DEAF1: variants seen among roughly 807,000 people sequenced by gnomAD.
DEAF1 encodes the protein DEAF1 transcription factor.
A neutral mutation model predicts 58.9 loss-of-function variants in DEAF1; 53 were observed. The ratio of observed to expected loss-of-function variants is 0.90; its 90% CI spans 0.72 to 1.13. The LOEUF is 1.13. DEAF1 is among the 50% of genes most tolerant of loss of function. The probability of loss-of-function intolerance (pLI) is 0.00; values close to 1 mark genes in which losing one functional copy is unlikely to be tolerated. For synonymous variants in DEAF1, 385 were observed against 340.4 expected (o/e 1.13, Z -1.44); for missense variants, 685 against 791.4 (o/e 0.87, Z 1.61).
At chr11:661,467 T>A (rs1214685209) in intron 10 of DEAF1, among the ~76,000 whole-genome samples, 1 of 152,044 alleles carries the variant, frequency 6.6e-6, no homozygotes, top group Non-Finnish European at 1.5e-5. Context: ...CCCAGCACTT[T>A]GGAAGGCCGA....
intron 8 of DEAF1, among the ~76,000 whole-genome samples, chr11:679,189 G>GC (rs1338347803): frequency 1.3e-5 from 2 of 151,770 alleles, no homozygotes; most frequent in Non-Finnish European, 2.9e-5. Flanking sequence ...GGTGGCAGGC[G>GC]CTGTAGTCCC....
At chr11:703,390 C>T in intron 1 of DEAF1, 1 of 1,367,148 alleles carries the variant, frequency 7.3e-7, no homozygotes, top group Non-Finnish European at 9.4e-7. Context: ...ACAGAACTGC[C>T]TTCAAGATGA....
chr11:691,370 C>T, intron 2 of DEAF1, 131 bp downstream of exon 2: 1 of 819,360 alleles, frequency 1.2e-6, no homozygotes, highest in South Asian at 1.5e-5. Flanking sequence ...CAGAGCGAGC[C>T]AGTGCGTCCC....
intron 10 of DEAF1, among the ~76,000 whole-genome samples, chr11:659,034 A>G (rs1859195672): frequency 6.6e-6 from 1 of 152,244 alleles, no homozygotes; most frequent in Admixed American, 6.5e-5. Flanking sequence ...ATTTCTAACT[A>G]TCAAAGAATA....
At chr11:666,863 ACT>A (rs113029786) in intron 10 of DEAF1, among the ~76,000 whole-genome samples, 1 of 129,284 alleles carries the variant, frequency 7.7e-6, no homozygotes, top group African/African-American at 3.1e-5. Context: ...GGAGAGCAAG[ACT>A]CTGTCTCCAA....
chr11:705,246 G>T (rs541897261), intron 1 of DEAF1: 1 of 162,348 alleles, frequency 6.2e-6, no homozygotes, highest in Non-Finnish European at 1.4e-5. Flanking sequence ...ACCGGCAGCC[G>T]GAGCCTTGGG....
upstream of DEAF1, among the ~76,000 whole-genome samples, chr11:698,307 G>T (rs981529746): frequency 6.6e-6 from 1 of 152,190 alleles, no homozygotes; most frequent in Non-Finnish European, 1.5e-5. Context: ...TCTCTCAGGT[G>T]GGGGTGGGAG....
chr11:690,779 C>G (rs1339815436), intron 2 of DEAF1, among the ~76,000 whole-genome samples: 1 of 152,094 alleles, frequency 6.6e-6, no homozygotes, highest in Non-Finnish European at 1.5e-5. Context: ...ACTCTGCTTT[C>G]AGGTATATGG....
At position 644,606 on chromosome 11, in the gene DEAF1, C is replaced by T. The variant is rs1472386316; in HGVS notation, c.1642G>A (p.Val548Ile). Residue 548 changes from valine (V) to isoleucine (I), a missense_variant, in exon 12 of 12, where the codon GTC becomes ATC. Transcript: ENST00000382409. This position sits in a 1 kb window ranked among gnomAD's most constrained non-coding sequence, Gnocchi z 4.3. Reference protein sequence around the residue: ...HICGQSAAVTVQADEVHVAES... With the variant: ...HICGQSAAVTIQADEVHVAES... ...GCCACGTGGACTTCGTCTGCCTGGA[C>T]GGTGACAGCTGCTGACTGGCCGCAT... The T allele has an allele frequency of 9.9e-6, 16 of 1,612,954 alleles. No homozygotes were observed. Among genetic ancestry groups the T allele is most frequent in the African/African-American group, 6.7e-5 (5 of 74,904 alleles).
intron 6 of DEAF1, among the ~76,000 whole-genome samples, chr11:684,174 T>C (rs557983370): frequency 6.4e-4 from 97 of 151,896 alleles, no homozygotes; most frequent in African/African-American, 2.2e-3. Context: ...TCTCAACACT[T>C]TGGGAGGCTG....
chr11:682,922 G>A (rs996174784), intron 6 of DEAF1, among the ~76,000 whole-genome samples: 1 of 152,100 alleles, frequency 6.6e-6, no homozygotes, highest in Non-Finnish European at 1.5e-5. Context: ...GAACTGCAAG[G>A]AGTGGGAACC....
At position 688,163 on chromosome 11, in the gene DEAF1, G is replaced by A. The variant is rs568099567; in HGVS notation, c.518-106C>T. On this transcript the variant is annotated intron_variant, in intron 3 of 11. Transcript: ENST00000382409. This position sits in a 1 kb window ranked among gnomAD's most constrained non-coding sequence, Gnocchi z 4.3. ...CGGCAGCGCCACCTCCTTCAACGGC[G>A]GAAAAACTTCTTGGTCAGGAAAATT... is the stretch of plus-strand genomic sequence containing the variant. 8.6e-5 allele frequency: 133 copies of A among 1,555,272 alleles called. No individual in the cohort carries two copies. Among genetic ancestry groups the A allele is most frequent in the Middle Eastern group, 1.9e-4 (1 of 5,374 alleles).
chr11:671,704 T>A (rs1401002722), intron 10 of DEAF1, among the ~76,000 whole-genome samples: 1 of 149,478 alleles, frequency 6.7e-6, no homozygotes. Context: ...AGACCCAGTC[T>A]CTACAAAAAA....
At chr11:667,387 G>GA (rs1564934467) in intron 10 of DEAF1, among the ~76,000 whole-genome samples, 2 of 142,120 alleles carry the variant, frequency 1.4e-5, no homozygotes, top group African/African-American at 2.7e-5. Context: ...AAGGAAGGAA[G>GA]GAGAGAGGGA....
chr11:646,798 G>A (rs755074134), intron 11 of DEAF1, among the ~76,000 whole-genome samples: 2 of 152,036 alleles, frequency 1.3e-5, no homozygotes, highest in African/African-American at 2.4e-5. Context: ...AGAAGTTAGC[G>A]TTTCAGTTTT....
intron 6 of DEAF1, 42 bp downstream of exon 6, chr11:684,856 G>T: frequency 6.5e-7 from 1 of 1,540,210 alleles, no homozygotes; most frequent in Non-Finnish European, 8.8e-7. Context: ...GCCGCCCCCA[G>T]CCCCACCAAG....
At position 695,077 on chromosome 11, in the gene DEAF1, C is replaced by A; in HGVS notation, c.-30G>T. Reference sequence around the variant, plus strand: ...ACTCCGCCGAGCCTTCCCGAAGGCGCCGTCCGGGACCGCCCGAAGCGCCGG... The same window carrying A: ...ACTCCGCCGAGCCTTCCCGAAGGCGACGTCCGGGACCGCCCGAAGCGCCGG... On this transcript the variant is annotated 5_prime_UTR_variant, in exon 1 of 12. Coordinates refer to ENST00000382409, the MANE Select transcript of DEAF1 (RefSeq NM_021008.4). 1.4e-6 allele frequency: 2 copies of A among 1,422,122 alleles called. No homozygotes were observed. Among genetic ancestry groups the A allele is most frequent in the South Asian group, 2.7e-5 (2 of 74,652 alleles). 88.1% of individuals were successfully genotyped at this position (1,422,122 alleles called of 1,614,324 possible). A position where few individuals can be genotyped will look rare whatever the true frequency, so the allele number is the denominator to read the frequency against.
chr11:680,623 C>T (rs928945464), intron 7 of DEAF1, among the ~76,000 whole-genome samples: 11 of 152,240 alleles, frequency 7.2e-5, no homozygotes, highest in Admixed American at 2.0e-4. Context: ...CCGCAGCCCT[C>T]GTCCAGCGCA....
chr11:691,452 C>A, intron 2 of DEAF1, 49 bp downstream of exon 2: 2 of 1,571,398 alleles, frequency 1.3e-6, no homozygotes, highest in South Asian at 1.1e-5. Context: ...GCCGGAGGCC[C>A]CCAGCGTGGC....
Sources: gnomAD v4.1 joint callset for allele counts (sites outside exome capture counted in the v4.1 genomes callset) on GRCh38, gnomAD v4.1.1 for gene constraint, Gnocchi (gnomAD v3.1) non-coding constraint, MANE v1.5 for transcripts, NCBI Gene and HGNC (gene_info 2026-07-23, HGNC 2026-07-21) for gene names.